ITSN2: variants seen among roughly 807,000 people sequenced by gnomAD.
ITSN2 encodes intersectin 2.
In ITSN2, 156 loss-of-function variants were observed where a neutral mutation model predicts 243.7. That is an observed-to-expected ratio of 0.64 (90% CI 0.56 to 0.73). The LOEUF (loss-of-function observed/expected upper bound fraction) is 0.73. ITSN2 is among the 30% of genes least tolerant of loss of function. The probability of loss-of-function intolerance (pLI) is 0.00; values close to 1 mark genes in which losing one functional copy is unlikely to be tolerated. For missense variants in ITSN2, 1,801 were observed against 1,996.1 expected (o/e 0.90, Z 1.86); for synonymous variants, 703 against 699.9 (o/e 1.00, Z -0.07).
Position 24,293,769 on chromosome 2 carries a change from G to A in ITSN2, c.1642C>T (p.Gln548Ter). ...KQLQQELQEY[Q>*]NKLIYLVPEK... The stretch of plus-strand genomic sequence containing the variant: ...GGTACCAGATAGATAAGCTTATTCT[G>A]ATATTCCTTATAAAAAGAAAAAATA... Residue 548 changes from glutamine to a stop codon, truncating the protein, a stop_gained, in exon 15 of 40, where the codon CAG becomes TAG. Transcript: ENST00000355123. LOFTEE classifies it high-confidence loss of function. The A allele has an allele frequency of 2.1e-6, 2 of 969,266 alleles. No homozygotes were observed. Among genetic ancestry groups the A allele is most frequent in the Non-Finnish European group, 3.1e-6 (2 of 645,592 alleles). 60.0% of individuals were successfully genotyped at this position (969,266 alleles called of 1,614,324 possible).
At chr2:24,299,026 C>CTTT (rs1181200021) in intron 12 of ITSN2, among the ~76,000 whole-genome samples, 4 of 124,296 alleles carry the variant, frequency 3.2e-5, no homozygotes, top group Non-Finnish European at 3.4e-5. Flanking sequence ...TTCACGAGAT[C>CTTT]TTTTTTTTTT....
chr2:24,356,745 A>C (rs1391792049), intron 1 of ITSN2, among the ~76,000 whole-genome samples: 2 of 152,094 alleles, frequency 1.3e-5, no homozygotes, highest in Non-Finnish European at 2.9e-5. Context: ...TCTACTAAAA[A>C]GACAAAAATT....
At chr2:24,257,242 G>T (rs1356972852) in intron 23 of ITSN2, among the ~76,000 whole-genome samples, 1 of 151,970 alleles carries the variant, frequency 6.6e-6, no homozygotes. Context: ...ATCGCTTAAG[G>T]CTGGGTGGTC....
intron 18 of ITSN2, among the ~76,000 whole-genome samples, chr2:24,272,670 A>G (rs756461299): frequency 3.3e-5 from 5 of 152,158 alleles, no homozygotes; most frequent in Non-Finnish European, 5.9e-5. Flanking sequence ...TCCTGGCCTC[A>G]AGTAATCTTC....
chr2:24,203,533 G>A lies in ITSN2; in HGVS notation c.*93C>T, dbSNP rs1230279163. The A allele has an allele frequency of 1.2e-5, 16 of 1,283,830 alleles. No homozygotes were observed. The highest frequency in any genetic ancestry group is 2.7e-4 in the Middle Eastern group (1 of 3,694). The allele number at this position is 1,283,830 out of a possible 1,614,324, so 79.5% of individuals were successfully genotyped here. A position where few individuals can be genotyped will look rare whatever the true frequency, so the allele number is the denominator to read the frequency against. ...GCATGGCTTTGTGAGGGGTGAAGCTGCATGGTGCTCCCTCAGCCCCAAGAG... is the reference window on the plus strand; with the variant it reads ...GCATGGCTTTGTGAGGGGTGAAGCTACATGGTGCTCCCTCAGCCCCAAGAG... On this transcript the variant is annotated 3_prime_UTR_variant, in exon 40 of 40. Transcript: ENST00000355123.
chr2:24,212,630 T>A lies in ITSN2; in HGVS notation c.4089+20A>T, dbSNP rs771882873. The A allele has an allele frequency of 6.3e-7, 1 of 1,582,832 alleles. No homozygotes were observed. The highest frequency in any genetic ancestry group is 1.8e-5 in the Admixed American group (1 of 55,848). ...ATCCTGCTCCTAACTCAGACCCCAC[T>A]GCCCGGCCTGCACACTCACACTTCT... is the stretch of plus-strand genomic sequence containing the variant. On this transcript the variant is annotated intron_variant, in intron 33 of 39. Coordinates refer to ENST00000355123, the MANE Select transcript of ITSN2 (RefSeq NM_006277.3).
At chr2:24,300,979 C>G (rs1276190199) in intron 11 of ITSN2, among the ~76,000 whole-genome samples, 175 bp downstream of exon 11, 1 of 152,204 alleles carries the variant, frequency 6.6e-6, no homozygotes. Context: ...ACACTCTTCT[C>G]ATTTTGACCA....
chr2:24,274,161 G>A (rs562533308), intron 18 of ITSN2, among the ~76,000 whole-genome samples: 33 of 152,192 alleles, frequency 2.2e-4, no homozygotes, highest in Non-Finnish European at 3.5e-4. Flanking sequence ...GCTCCCTTAT[G>A]TAATTAAGTG....
rs995263823 is a variant in ITSN2 at position 24,313,391 on chromosome 2, A to G, written c.188+69T>C. On this transcript the variant is annotated intron_variant, in intron 4 of 39. Transcript: ENST00000355123. ...ATAGAATGCAACTAAAAACAATTTTATGTTAACACTATATTACAAAAAAAC... is the reference window on the plus strand; with the variant it reads ...ATAGAATGCAACTAAAAACAATTTTGTGTTAACACTATATTACAAAAAAAC... 3.1e-6 allele frequency: 4 copies of G among 1,280,574 alleles called. No homozygotes were observed. The African/African-American group carries it at 6.0e-5, about 19-fold the overall frequency. 79.3% of individuals were successfully genotyped at this position (1,280,574 alleles called of 1,614,324 possible). A position where few individuals can be genotyped will look rare whatever the true frequency, so the allele number is the denominator to read the frequency against.
At chr2:24,348,190 ATTTTT>A (rs67272042) in intron 1 of ITSN2, among the ~76,000 whole-genome samples, 46 of 97,748 alleles carry the variant, frequency 4.7e-4, no homozygotes, top group Admixed American at 1.1e-3. Context: ...AAATACTATG[ATTTTT>A]TTTTTTTTTT....
intron 1 of ITSN2, among the ~76,000 whole-genome samples, chr2:24,337,315 A>AATATATATATATACACATATATATAT (rs1278959952): frequency 6.2e-5 from 2 of 32,026 alleles, no homozygotes; most frequent in South Asian, 1.4e-3. Flanking sequence ...GTATACACAA[A>AATATATATATATACACATATATATAT]ATATATATAT....
rs535605234 is a variant in ITSN2 at position 24,320,784 on chromosome 2, C to T, written c.32-5560G>A. 3.3e-5 allele frequency among the ~76,000 whole-genome samples: 5 copies of T among 151,852 alleles called. No individual in the cohort carries two copies. The South Asian group carries it at 1.0e-3, about 32-fold the overall frequency. ...CATTGTTTTTTAAGGAGAAAGCCACCTGGCTTTCTAAGGGAGACACTGATG... is the reference window on the plus strand; with the variant it reads ...CATTGTTTTTTAAGGAGAAAGCCACTTGGCTTTCTAAGGGAGACACTGATG... On this transcript the variant is annotated intron_variant, in intron 2 of 39. Transcript: ENST00000355123.
chr2:24,301,295 G>T, intron 10 of ITSN2, 56 bp from the exon 11 acceptor site: 1 of 995,576 alleles, frequency 1.0e-6, no homozygotes, highest in Non-Finnish European at 1.6e-6. Flanking sequence ...TTTCAGACTA[G>T]ATTACACAGA....
At chr2:24,316,713 T>C (rs1485321100) in intron 2 of ITSN2, among the ~76,000 whole-genome samples, 1 of 152,232 alleles carries the variant, frequency 6.6e-6, no homozygotes, top group Non-Finnish European at 1.5e-5. Flanking sequence ...AGTACATTTG[T>C]CAAAACAAAG....
intron 1 of ITSN2, among the ~76,000 whole-genome samples, chr2:24,330,166 G>A (rs369938400): frequency 6.6e-6 from 1 of 152,316 alleles, no homozygotes; most frequent in East Asian, 1.9e-4. Flanking sequence ...AAAAACCAAC[G>A]AGGAATGGGA....
In ITSN2 at chr2:24,210,020, T is replaced by C; in HGVS notation, c.4271A>G (p.Asn1424Ser). The C allele has an allele frequency of 1.2e-6, 2 of 1,612,988 alleles. No individual in the cohort carries two copies. Among genetic ancestry groups the C allele is most frequent in the Non-Finnish European group, 1.7e-6 (2 of 1,179,220 alleles). ...GGGCCCCAGGCAGTTGGTGAGAGAG[T>C]TGAAAATAAGTTGCTTAAAGAGAAA... ...CEGLAEQLIF[N>S]SLTNCLGPRK... Residue 1424 changes from asparagine (N) to serine (S), a missense_variant, in exon 35 of 40, where the codon AAC becomes AGC. This residue lies in a region of ITSN2 where 928 missense variants were observed against 1,065.4 expected (regional missense o/e 0.87). Coordinates refer to ENST00000355123, the MANE Select transcript of ITSN2 (RefSeq NM_006277.3).
At position 24,211,343 on chromosome 2, in the gene ITSN2, T is replaced by G. The variant is rs1669476946; in HGVS notation, c.4090-396A>C. 6.6e-6 allele frequency among the ~76,000 whole-genome samples: 1 copy of G among 152,218 alleles called. No individual in the cohort carries two copies. The highest frequency in any genetic ancestry group is 2.4e-5 in the African/African-American group (1 of 41,454). ...TGTGAACTTGCTGAATAGCAATGGT[T>G]CATAACAATTTTGGGGTCACTGATC... On this transcript the variant is annotated intron_variant, in intron 33 of 39. Coordinates refer to ENST00000355123, the MANE Select transcript of ITSN2 (RefSeq NM_006277.3). This position sits in a 1 kb window ranked among gnomAD's most constrained non-coding sequence, Gnocchi z 4.1.
At chr2:24,262,327 G>A (rs927888993) in intron 20 of ITSN2, among the ~76,000 whole-genome samples, 2 of 151,830 alleles carry the variant, frequency 1.3e-5, no homozygotes, top group Non-Finnish European at 1.5e-5. Flanking sequence ...TTCCTTTTTT[G>A]TAAACTTTTT....
At chr2:24,305,376 C>T (rs926023460) in intron 8 of ITSN2, among the ~76,000 whole-genome samples, 7 of 151,914 alleles carry the variant, frequency 4.6e-5, no homozygotes, top group African/African-American at 1.5e-4. Flanking sequence ...CCAAGGCGGG[C>T]GGATCACCTG....
Sources: gnomAD v4.1 joint callset for allele counts (sites outside exome capture counted in the v4.1 genomes callset) on GRCh38, gnomAD v4.1.1 for gene constraint, gnomAD v4.1.1 regional missense constraint, Gnocchi (gnomAD v3.1) non-coding constraint, MANE v1.5 for transcripts, NCBI Gene and HGNC (gene_info 2026-07-23, HGNC 2026-07-21) for gene names.